DNAH6: variants seen among roughly 807,000 people sequenced by gnomAD.
DNAH6 encodes dynein axonemal heavy chain 6, also known as axonemal beta dynein heavy chain 6.
Under a neutral mutation model 491.4 loss-of-function variants are expected in DNAH6, and 340 were observed. The ratio of observed to expected loss-of-function variants is 0.69; its 90% confidence interval spans 0.63 to 0.76. The LOEUF is 0.76. DNAH6 is among the 30% of genes least tolerant of loss of function. The probability of loss-of-function intolerance (pLI) is 0.00; values close to 1 mark genes in which losing one functional copy is unlikely to be tolerated. For synonymous variants in DNAH6, 1,603 were observed against 1,686.1 expected, an observed-to-expected ratio of 0.95 and a Z score of 1.21; for missense variants, 4,443 against 4,972.2, an observed-to-expected ratio of 0.89 and a Z score of 3.20.
chr2:84,628,492 C>T (rs1688092414), intron 29 of DNAH6, among the ~76,000 whole-genome samples: 1 of 152,196 alleles, frequency 6.6e-6, no homozygotes, highest in Non-Finnish European at 1.5e-5. Flanking sequence ...GTTCCTGCTT[C>T]TCCAGGAACT....
In DNAH6 at chr2:84,669,364, A is replaced by C; in HGVS notation, c.6160A>C (p.Ile2054Leu). The part of the protein sequence containing the change: ...TKRLDPWERI[I>L]PTFKYNRDVP... The stretch of plus-strand genomic sequence containing the variant: ...ACGGCTGGATCCCTGGGAACGAATC[A>C]TACCTACTTTCAAATACAACCGAGA... Residue 2054 changes from isoleucine to leucine, a missense_variant, in exon 38 of 77, where the codon ATA becomes CTA. Coordinates refer to ENST00000389394, the MANE Select transcript of DNAH6 (RefSeq NM_001370.2). The C allele has an allele frequency of 6.4e-7, 1 of 1,551,916 alleles. No homozygotes were observed. The highest frequency in any genetic ancestry group is 8.7e-7 in the Non-Finnish European group (1 of 1,147,014).
intron 13 of DNAH6, among the ~76,000 whole-genome samples, chr2:84,578,276 G>T (rs763308411): frequency 3.3e-5 from 5 of 151,942 alleles, no homozygotes; most frequent in Non-Finnish European, 7.4e-5. Context: ...GTAAAAAAAA[G>T]AAATATATAT....
chr2:84,593,932 G>C, intron 16 of DNAH6, 40 bp from the exon 17 acceptor site: 2 of 1,258,148 alleles, frequency 1.6e-6, no homozygotes, highest in Non-Finnish European at 2.2e-6. Flanking sequence ...CATTATATCT[G>C]AAAACTAAAT....
At chr2:84,569,851 A>G (rs995473936) in intron 11 of DNAH6, among the ~76,000 whole-genome samples, 3 of 152,196 alleles carry the variant, frequency 2.0e-5, no homozygotes, top group African/African-American at 7.2e-5. Flanking sequence ...GGAAGGCTGG[A>G]ATGAACCCTA....
In DNAH6 at chr2:84,710,368, C is replaced by T. The variant is rs1696918045; in HGVS notation, c.9334C>T (p.Leu3112Phe). 1 of 1,551,756 alleles carries T rather than the reference C, an allele frequency of 6.4e-7. No individual in the cohort carries two copies. The highest frequency in any genetic ancestry group is 1.4e-5 in the African/African-American group (1 of 73,170). Residue 3112 changes from leucine to phenylalanine, a missense_variant, in exon 56 of 77, where the codon CTC becomes TTC. By Grantham distance (22) the Leu-to-Phe change is conservative. Coordinates refer to ENST00000389394, the MANE Select transcript of DNAH6 (RefSeq NM_001370.2). ...KLTDSNFLRI[L>F]ENSIRLGLPV... ...TACAGATAGTAATTTCTTACGAATA[C>T]TCGAGAATTCAATCCGACTTGGTTT...
intron 57 of DNAH6, among the ~76,000 whole-genome samples, chr2:84,714,871 A>T (rs759188711): frequency 1.3e-5 from 2 of 151,158 alleles, no homozygotes; most frequent in Non-Finnish European, 3.0e-5. Flanking sequence ...ATATTACAAA[A>T]TTACAATATG....
At chr2:84,794,195 T>G (rs1244466998) in intron 68 of DNAH6, among the ~76,000 whole-genome samples, 1 of 152,172 alleles carries the variant, frequency 6.6e-6, no homozygotes, top group Non-Finnish European at 1.5e-5. Flanking sequence ...ATTAAAGACT[T>G]AAACGTTAGA....
chr2:84,788,993 CA>C (rs1288914551), intron 68 of DNAH6, among the ~76,000 whole-genome samples: 2 of 152,152 alleles, frequency 1.3e-5, no homozygotes, highest in Non-Finnish European at 2.9e-5. Context: ...GCCAGGGTAA[CA>C]TCAATTCTGC....
chr2:84,508,884 G>A, the DNAH6 span, among the ~76,000 whole-genome samples: 2 of 152,100 alleles, frequency 1.3e-5, no homozygotes, highest in African/African-American at 4.8e-5. Flanking sequence ...AGTTTTGAGT[G>A]GGTTTCTTAA....
At chr2:84,711,283 A>T (rs1697021726) in intron 56 of DNAH6, among the ~76,000 whole-genome samples, 1 of 152,202 alleles carries the variant, frequency 6.6e-6, no homozygotes, top group Non-Finnish European at 1.5e-5. Context: ...AGCAAAGGGA[A>T]CAGCACAAAG....
At chr2:84,557,051 C>A (rs980003332) in intron 10 of DNAH6, among the ~76,000 whole-genome samples, 1 of 152,132 alleles carries the variant, frequency 6.6e-6, no homozygotes, top group African/African-American at 2.4e-5. Context: ...CTATTTTTCC[C>A]ATAGATTAGC....
chr2:84,684,681 A>G (rs1318893342), intron 42 of DNAH6, among the ~76,000 whole-genome samples: 2 of 152,178 alleles, frequency 1.3e-5, no homozygotes, highest in African/African-American at 4.8e-5. Context: ...TGCACAGTAG[A>G]CACTCTCCCT....
At chr2:84,621,670 T>TAA (rs1424155206) in intron 26 of DNAH6, 119 bp downstream of exon 26, 7 of 575,218 alleles carry the variant, frequency 1.2e-5, no homozygotes, top group African/African-American at 1.9e-5. Flanking sequence ...CTGACATTTG[T>TAA]AATAGCTCTT....
chr2:84,689,137 C>T (rs1694595021), intron 45 of DNAH6, among the ~76,000 whole-genome samples: 1 of 152,180 alleles, frequency 6.6e-6, no homozygotes, highest in African/African-American at 2.4e-5. Flanking sequence ...CTAAAATGAT[C>T]CTTCCAGGAT....
Position 84,705,621 on chromosome 2 carries a change from GC to G in DNAH6, c.8603del (p.Pro2868LeufsTer18). 6.4e-7 allele frequency: 1 copy of G among 1,551,570 alleles called. No individual in the cohort carries two copies. The highest frequency in any genetic ancestry group is 8.7e-7 in the Non-Finnish European group (1 of 1,146,966). On this transcript the variant is annotated frameshift_variant, in exon 52 of 77. Coordinates refer to ENST00000389394, the MANE Select transcript of DNAH6 (RefSeq NM_001370.2). LOFTEE classifies it high-confidence loss of function. ...QKYINNPDFV[P>X]EKVEKVSKAC... ...AGTATATTAATAATCCTGATTTTGT[GC>G]CTGAAAAAGTGGAGAAAGTGTCCAA...
At chr2:84,791,189 CAA>C (rs34537336) in intron 68 of DNAH6, among the ~76,000 whole-genome samples, 1 of 114,296 alleles carries the variant, frequency 8.7e-6, no homozygotes, top group Admixed American at 9.7e-5. Flanking sequence ...AACTCCATCT[CAA>C]AAAAAAAAAG....
At chr2:84,633,463 A>G (rs116334659) in intron 29 of DNAH6, among the ~76,000 whole-genome samples, 4,337 of 152,008 alleles carry the variant, frequency 0.029, 225 homozygotes, top group African/African-American at 0.099. Context: ...CATAAACCCA[A>G]TCATTCCAAG....
intron 13 of DNAH6, among the ~76,000 whole-genome samples, chr2:84,577,719 G>A (rs1682600485): frequency 6.6e-6 from 1 of 150,468 alleles, no homozygotes; most frequent in Non-Finnish European, 1.5e-5. Flanking sequence ...TATCCTAGAG[G>A]GAGTGATGGT....
intron 54 of DNAH6, 135 bp from the exon 55 acceptor site, chr2:84,709,208 T>C (rs1696807977): frequency 1.2e-6 from 1 of 856,796 alleles, no homozygotes. Flanking sequence ...CATGCTCTGA[T>C]GCAAGCACAT....
Sources: allele counts gnomAD v4.1 joint callset (sites outside exome capture counted in the v4.1 genomes callset), GRCh38; gene constraint gnomAD v4.1.1; transcripts MANE v1.5; gene names NCBI Gene and HGNC (gene_info 2026-07-23, HGNC 2026-07-21).